The following TAFA1 variants were observed in gnomAD, a reference collection of about 807,000 sequenced individuals.
The protein encoded by TAFA1 is chemokine-like protein TAFA-1.
Under a neutral mutation model 18.5 loss-of-function variants are expected in TAFA1, and 4 were observed. That is an observed-to-expected ratio of 0.22 (90% CI 0.11 to 0.49). The LOEUF is 0.49. Among genes scored for constraint, TAFA1 ranks in the 20% least tolerant of loss-of-function variants. The pLI is 0.98. For synonymous variants in TAFA1, 56 were observed against 55.2 expected (o/e 1.01, Z -0.06); for missense variants, 147 against 169.0 (o/e 0.87, Z 0.72).
intron 3 of TAFA1, among the ~76,000 whole-genome samples, chr3:68,432,723 G>A (rs994276468): frequency 1.3e-5 from 2 of 151,938 alleles, no homozygotes; most frequent in Admixed American, 1.3e-4. Context: ...TCTAATCCCA[G>A]TCCAAGTAAG....
intron 2 of TAFA1, among the ~76,000 whole-genome samples, chr3:68,373,881 G>C (rs1329905043): frequency 6.6e-6 from 1 of 152,196 alleles, no homozygotes; most frequent in Non-Finnish European, 1.5e-5. Context: ...TCCCTTTCAT[G>C]AGCAAAAGTA....
intron 2 of TAFA1, among the ~76,000 whole-genome samples, chr3:68,257,723 G>A (rs566333288): frequency 4.1e-4 from 63 of 152,158 alleles, no homozygotes; most frequent in African/African-American, 1.5e-3. Context: ...CTAGAGTATG[G>A]GCTAGACTCA....
At chr3:68,033,691 G>T (rs930341225) in intron 2 of TAFA1, among the ~76,000 whole-genome samples, 1 of 152,264 alleles carries the variant, frequency 6.6e-6, no homozygotes, top group African/African-American at 2.4e-5. Flanking sequence ...AGCATATGAA[G>T]TATTTTTTAA....
rs144825309 is a variant in TAFA1 at position 68,230,749 on chromosome 3, G to C, written c.119-186531G>C. On this transcript the variant is annotated intron_variant, in intron 2 of 4. Transcript: ENST00000478136. ...TTACATTGTCACCAACAGTGTATGA[G>C]GGTTCCTCTTTCTCCACATCCTTGT... is the stretch of plus-strand genomic sequence containing the variant. 6.3e-4 allele frequency among the ~76,000 whole-genome samples: 96 copies of C among 152,246 alleles called. No individual in the cohort carries two copies. In the East Asian group the frequency reaches 0.017, roughly 27 times the overall value.
chr3:68,096,643 A>T (rs1469972071), intron 2 of TAFA1, among the ~76,000 whole-genome samples: 1 of 152,112 alleles, frequency 6.6e-6, no homozygotes, highest in East Asian at 1.9e-4. Flanking sequence ...GCTTGTATTC[A>T]CAGCCAAGCT....
intron 2 of TAFA1, among the ~76,000 whole-genome samples, chr3:68,369,131 A>G (rs1483208042): frequency 6.6e-6 from 1 of 152,162 alleles, no homozygotes; most frequent in Admixed American, 6.6e-5. Flanking sequence ...TTTCATGCCT[A>G]GTTAGAAGAG....
At chr3:68,180,655 C>T (rs1171711026) in intron 2 of TAFA1, among the ~76,000 whole-genome samples, 1 of 152,166 alleles carries the variant, frequency 6.6e-6, no homozygotes, top group Non-Finnish European at 1.5e-5. Context: ...CCTACAACCC[C>T]TTATTTTTCT....
At chr3:68,437,144 C>A (rs1248670255) in intron 3 of TAFA1, among the ~76,000 whole-genome samples, 3 of 152,078 alleles carry the variant, frequency 2.0e-5, no homozygotes, top group Non-Finnish European at 4.4e-5. Context: ...ATAAATATGC[C>A]ACCAATGCAT....
At chr3:68,415,186 C>G (rs999464571) in intron 2 of TAFA1, among the ~76,000 whole-genome samples, 1 of 152,130 alleles carries the variant, frequency 6.6e-6, no homozygotes, top group African/African-American at 2.4e-5. Flanking sequence ...CCTTCGCTAC[C>G]TTGTACTTCT....
intron 2 of TAFA1, among the ~76,000 whole-genome samples, chr3:68,172,615 C>A (rs1026499337): frequency 6.6e-6 from 1 of 152,024 alleles, no homozygotes; most frequent in South Asian, 2.1e-4. Flanking sequence ...GTGGAAACAA[C>A]CCTAGTGTCC....
At chr3:68,015,259 A>G (rs564201959) in intron 2 of TAFA1, among the ~76,000 whole-genome samples, 176 of 150,118 alleles carry the variant, frequency 1.2e-3, no homozygotes, top group African/African-American at 3.6e-3. Context: ...TCAGCTAAAA[A>G]TCAATTAATT....
intron 2 of TAFA1, among the ~76,000 whole-genome samples, chr3:68,405,732 A>AAAAAAAAAAAAAC (rs2070592093): frequency 7.0e-6 from 1 of 143,150 alleles, no homozygotes; most frequent in Non-Finnish European, 1.5e-5. Flanking sequence ...AAAAAAAAAA[A>AAAAAAAAAAAAAC]AAAAAAAAGA....
At chr3:68,350,599 A>G (rs531179644) in intron 2 of TAFA1, among the ~76,000 whole-genome samples, 34 of 152,274 alleles carry the variant, frequency 2.2e-4, no homozygotes, top group African/African-American at 7.9e-4. Context: ...CTCCTATAAA[A>G]CAAGGACAGG....
chr3:68,372,533 G>T (rs1361234736), intron 2 of TAFA1, among the ~76,000 whole-genome samples: 1 of 152,158 alleles, frequency 6.6e-6, no homozygotes, highest in Non-Finnish European at 1.5e-5. Context: ...TGGGCATGTG[G>T]TCAAAATGCC....
intron 2 of TAFA1, among the ~76,000 whole-genome samples, chr3:68,382,826 T>G (rs1467443136): frequency 6.6e-6 from 1 of 152,222 alleles, no homozygotes; most frequent in East Asian, 1.9e-4. Flanking sequence ...ATATTGAGTC[T>G]TCCTATACAA....
chr3:68,279,089 G>C (rs1314714888), intron 2 of TAFA1, among the ~76,000 whole-genome samples: 1 of 152,132 alleles, frequency 6.6e-6, no homozygotes, highest in African/African-American at 2.4e-5. Context: ...ATGCAGAGTT[G>C]GTTGTGAAGT....
At chr3:68,433,013 C>T (rs76853818) in intron 3 of TAFA1, among the ~76,000 whole-genome samples, 6,044 of 152,030 alleles carry the variant, frequency 0.04, 153 homozygotes, top group East Asian at 0.09. Context: ...TAGCCTAATC[C>T]GTTCTTCCAA....
intron 3 of TAFA1, among the ~76,000 whole-genome samples, chr3:68,443,473 CAAAAA>C (rs56944130): frequency 1.0e-5 from 1 of 96,102 alleles, no homozygotes; most frequent in Admixed American, 1.1e-4. Flanking sequence ...GGGCAATTTA[CAAAAA>C]AAAAAAAAAA....
chr3:68,524,963 G>A (rs2073086079), intron 3 of TAFA1, among the ~76,000 whole-genome samples: 1 of 152,176 alleles, frequency 6.6e-6, no homozygotes. Context: ...GAGCCAACGC[G>A]CCCGGCCGTT....
Sources: allele counts gnomAD v4.1 joint callset (sites outside exome capture counted in the v4.1 genomes callset), GRCh38; gene constraint gnomAD v4.1.1; transcripts MANE v1.5; gene names NCBI Gene and HGNC (gene_info 2026-07-23, HGNC 2026-07-21).